Variants in PAK5 observed in about 807,000 individuals in gnomAD.
The protein encoded by PAK5 is serine/threonine-protein kinase PAK 5.
A neutral mutation model predicts 65.9 loss-of-function variants in PAK5; 16 were observed. The observed-to-expected ratio is 0.24, with a 90% CI of 0.16 to 0.37. The LOEUF (loss-of-function observed/expected upper bound fraction) is 0.37. Ranked by LOEUF, PAK5 falls within the 10% of genes least tolerant of loss-of-function variation. The probability of loss-of-function intolerance (pLI) is 1.00; values close to 1 mark genes in which losing one functional copy is unlikely to be tolerated. For synonymous variants in PAK5, 371 were observed against 354.9 expected (o/e 1.05, Z -0.51); for missense variants, 785 against 903.9 (o/e 0.87, Z 1.69).
At chr20:9,736,334 G>A (rs535703393) in intron 1 of PAK5, among the ~76,000 whole-genome samples, 13 of 152,226 alleles carry the variant, frequency 8.5e-5, no homozygotes, top group African/African-American at 2.9e-4. Flanking sequence ...AGGATACAAA[G>A]GAAGGGACAA....
chr20:9,582,935 C>T (rs2046004822), intron 3 of PAK5, among the ~76,000 whole-genome samples: 1 of 152,016 alleles, frequency 6.6e-6, no homozygotes, highest in African/African-American at 2.4e-5. Flanking sequence ...TTTGATGATC[C>T]CTCTTCCTTT....
chr20:9,824,934 A>AGCT (rs1406222926), intron 1 of PAK5, among the ~76,000 whole-genome samples: 1 of 152,196 alleles, frequency 6.6e-6, no homozygotes, highest in African/African-American at 2.4e-5. Context: ...CTCAAGGTGC[A>AGCT]GCTGCTGAAT....
intron 1 of PAK5, among the ~76,000 whole-genome samples, chr20:9,738,842 GTC>G (rs1485056440): frequency 2.7e-5 from 4 of 146,130 alleles, no homozygotes; most frequent in Admixed American, 7.0e-5. Flanking sequence ...GTGTGTGTGT[GTC>G]AGTTACAATG....
chr20:9,758,515 T>G (rs1176051756), intron 1 of PAK5, among the ~76,000 whole-genome samples: 2 of 152,150 alleles, frequency 1.3e-5, no homozygotes, highest in African/African-American at 4.8e-5. Flanking sequence ...AGGGAGTACT[T>G]TGCATAGTGG....
At chr20:9,618,623 C>G (rs1422687899) in intron 3 of PAK5, among the ~76,000 whole-genome samples, 2 of 151,638 alleles carry the variant, frequency 1.3e-5, no homozygotes, top group Non-Finnish European at 2.9e-5. Context: ...CCATGTTGTC[C>G]AGGCTGGTCT....
At chr20:9,681,567 C>T (rs1600235407) in intron 2 of PAK5, among the ~76,000 whole-genome samples, 1 of 152,090 alleles carries the variant, frequency 6.6e-6, no homozygotes, top group African/African-American at 2.4e-5. Flanking sequence ...TGAATAATAT[C>T]CCTGGAGATG....
intron 1 of PAK5, among the ~76,000 whole-genome samples, chr20:9,811,007 C>T (rs1325440258): frequency 3.9e-5 from 6 of 152,122 alleles, no homozygotes; most frequent in African/African-American, 1.4e-4. Context: ...CATCTGGCAG[C>T]CACATCAGCA....
chr20:9,765,212 T>C (rs2048743855), intron 1 of PAK5, among the ~76,000 whole-genome samples: 1 of 152,178 alleles, frequency 6.6e-6, no homozygotes, highest in Admixed American at 6.6e-5. Flanking sequence ...AACAAACTCC[T>C]ATGGGTGAAA....
In PAK5 at chr20:9,566,184, C is replaced by G. The variant is rs2045675273; in HGVS notation, c.1191G>C (p.Thr397=). 1.2e-6 allele frequency: 2 copies of G among 1,613,672 alleles called. No individual in the cohort carries two copies. The highest frequency in any genetic ancestry group is 1.7e-6 in the Non-Finnish European group (2 of 1,179,954). ...SLQSSSQYIS[T]ASYLSSLSLS... ...GGCTGAGGGAGCTCAGGTAGGAAGC[C>G]GTGGAGATGTACTGCGAACTGCTCT... Residue 397 remains threonine (T), a synonymous_variant, in exon 5 of 10, where the codon ACG becomes ACC. Coordinates refer to ENST00000353224, the MANE Select transcript of PAK5 (RefSeq NM_177990.4).
At chr20:9,641,874 G>C (rs200472149) in intron 3 of PAK5, among the ~76,000 whole-genome samples, 72 of 152,266 alleles carry the variant, frequency 4.7e-4, no homozygotes, top group Middle Eastern at 3.4e-3. Context: ...GGCTGGCTGG[G>C]TGCTCCGAGT....
At position 9,729,173 on chromosome 20, in the gene PAK5, T is replaced by G. The variant is rs188278888; in HGVS notation, c.-161-17738A>C. On this transcript the variant is annotated intron_variant, in intron 1 of 9. Transcript: ENST00000353224. The stretch of plus-strand genomic sequence containing the variant: ...TGGTGTGAACCCAGGGGGTGGAGCT[T>G]GCAGTGAGCCAAAATTGTGCCACTG... Among the ~76,000 whole-genome samples the G allele has an allele frequency of 1.8e-4, 28 of 151,892 alleles. No individual in the cohort carries two copies. The East Asian group carries it at 5.0e-3, about 27-fold the overall frequency.
chr20:9,732,781 C>T (rs963740719), intron 1 of PAK5, among the ~76,000 whole-genome samples: 1 of 152,194 alleles, frequency 6.6e-6, no homozygotes, highest in Non-Finnish European at 1.5e-5. Flanking sequence ...CATACCCCAA[C>T]AAAATCCCCA....
chr20:9,740,284 C>A (rs1600310203), intron 1 of PAK5, among the ~76,000 whole-genome samples: 2 of 152,010 alleles, frequency 1.3e-5, no homozygotes, highest in Admixed American at 1.3e-4. Context: ...ATACCAGGGG[C>A]TTATTTGGGG....
intron 1 of PAK5, among the ~76,000 whole-genome samples, chr20:9,779,046 C>CT (rs527917805): frequency 6.6e-6 from 1 of 152,144 alleles, no homozygotes; most frequent in East Asian, 1.9e-4. Flanking sequence ...TTTAGCGTCT[C>CT]TTTTTTTCAT....
At chr20:9,650,497 T>G (rs2047189377) in intron 2 of PAK5, among the ~76,000 whole-genome samples, 1 of 152,330 alleles carries the variant, frequency 6.6e-6, no homozygotes, top group South Asian at 2.1e-4. Flanking sequence ...CTTGCTAAAC[T>G]TATTTCTCTG....
At chr20:9,747,062 C>T (rs944296285) in intron 1 of PAK5, among the ~76,000 whole-genome samples, 15 of 152,216 alleles carry the variant, frequency 9.9e-5, no homozygotes, top group Non-Finnish European at 1.2e-4. Flanking sequence ...AACACCTCTA[C>T]GCAAAAAAAC....
At chr20:9,638,328 T>C (rs531903151) in intron 3 of PAK5, among the ~76,000 whole-genome samples, 87 of 152,336 alleles carry the variant, frequency 5.7e-4, no homozygotes, top group Non-Finnish European at 1.0e-3. Context: ...CCTTGGGGTA[T>C]TCAGGTTATC....
chr20:9,569,809 C>T (rs1356745626), intron 4 of PAK5, among the ~76,000 whole-genome samples: 1 of 151,516 alleles, frequency 6.6e-6, no homozygotes, highest in Non-Finnish European at 1.5e-5. Context: ...AATGACAGTG[C>T]CTGGCCTGCT....
intron 3 of PAK5, among the ~76,000 whole-genome samples, chr20:9,615,512 C>T (rs995735007): frequency 2.6e-5 from 4 of 152,176 alleles, no homozygotes; most frequent in African/African-American, 9.7e-5. Flanking sequence ...AAAGAAAATT[C>T]ACAATAACCT....
Sources: gnomAD v4.1 joint callset for allele counts (sites outside exome capture counted in the v4.1 genomes callset) on GRCh38, gnomAD v4.1.1 for gene constraint, MANE v1.5 for transcripts, NCBI Gene and HGNC (gene_info 2026-07-23, HGNC 2026-07-21) for gene names.